Variants in PCDHGA6 observed in about 807,000 individuals in gnomAD.
PCDHGA6 encodes the protein protocadherin gamma subfamily A, 6, also known as protocadherin gamma-A6.
In PCDHGA6, 41 loss-of-function variants were observed where a neutral mutation model predicts 60.6. That is an observed-to-expected ratio of 0.68 (90% confidence interval 0.53 to 0.88). The LOEUF (loss-of-function observed/expected upper bound fraction) is 0.88. Ranked by LOEUF, PCDHGA6 falls within the 40% of genes least tolerant of loss-of-function variation. The probability of loss-of-function intolerance (pLI) is 0.00; values close to 1 mark genes in which losing one functional copy is unlikely to be tolerated. For missense variants in PCDHGA6, 1,312 were observed against 1,203.0 expected, an observed-to-expected ratio of 1.09 and a Z score of -1.34; for synonymous variants, 594 against 524.4, an observed-to-expected ratio of 1.13 and a Z score of -1.81.
intron 1 of PCDHGA6, chr5:141,423,330 C>G (rs932335651): frequency 9.9e-6 from 16 of 1,614,056 alleles, no homozygotes; most frequent in Middle Eastern, 1.6e-4. Flanking sequence ...TGGCCGCAGT[C>G]TCCTGCATCT....
At chr5:141,423,632 T>G in intron 1 of PCDHGA6, 1 of 1,602,602 alleles carries the variant, frequency 6.2e-7, no homozygotes, top group Non-Finnish European at 8.5e-7. Flanking sequence ...GCTATCATTT[T>G]AGGCAAATGT....
In PCDHGA6 at chr5:141,477,928, C is replaced by T; in HGVS notation, c.2425-16879C>T. On this transcript the variant is annotated intron_variant, in intron 1 of 3. Coordinates refer to ENST00000517434, the MANE Select transcript of PCDHGA6 (RefSeq NM_018919.3). This position sits in a 1 kb window ranked among gnomAD's most constrained non-coding sequence, Gnocchi z 4.9. ...GGGACGCGGATGCAGGGCACAATGC[C>T]TGGCTCTCCTACAGTCTCTTGGGAT... The T allele has an allele frequency of 6.2e-7, 1 of 1,614,186 alleles. No individual in the cohort carries two copies.
rs1561574117 is a variant in PCDHGA6, at chr5:141,376,472, T to C, written c.2389T>C (p.Leu797=). Residue 797 remains leucine, a synonymous_variant, in exon 1 of 4, where the codon TTA becomes CTA. Transcript: ENST00000517434. ...CGAGCCTCTTCTGATAACTCAGGAT[T>C]TACTTGAAACGAAAGGAGAACCCAG... ...KSEPLLITQD[L]LETKGEPRQL... 1 of 1,614,108 alleles carries C rather than the reference T, an allele frequency of 6.2e-7. No homozygotes were observed. Among genetic ancestry groups the C allele is most frequent in the Non-Finnish European group, 8.5e-7 (1 of 1,180,010 alleles).
chr5:141,391,882 A>C (rs2092435224), intron 1 of PCDHGA6: 1 of 152,226 alleles, frequency 6.6e-6, no homozygotes, highest in Middle Eastern at 3.2e-3. Flanking sequence ...CTTTGGTGAA[A>C]GGGATGGGAT....
At chr5:141,410,364 C>A in intron 1 of PCDHGA6, 1 of 1,614,064 alleles carries the variant, frequency 6.2e-7, no homozygotes, top group Non-Finnish European at 8.5e-7. Flanking sequence ...TCTCTCAGCC[C>A]TGCTACTTGG....
rs1046764113 is a variant in PCDHGA6, at chr5:141,495,395, G to A, written c.2483+530G>A. Among the ~76,000 whole-genome samples the A allele has an allele frequency of 4.1e-4, 62 of 152,326 alleles. 1 individual carries two copies. The highest frequency in any genetic ancestry group is 1.4e-3 in the African/African-American group (57 of 41,576). On this transcript the variant is annotated intron_variant, in intron 2 of 3. Transcript: ENST00000517434. Reference sequence around the variant, plus strand: ...GAGGAAGGACTGGGCGGGGCATGGAGCAGGCCCCCTTCTCCGGCCCCTCCT... The same window carrying A: ...GAGGAAGGACTGGGCGGGGCATGGAACAGGCCCCCTTCTCCGGCCCCTCCT...
At chr5:141,448,215 C>T (rs927573458) in intron 1 of PCDHGA6, among the ~76,000 whole-genome samples, 5 of 152,046 alleles carry the variant, frequency 3.3e-5, no homozygotes, top group African/African-American at 9.7e-5. Flanking sequence ...TGTGTGTATG[C>T]GAATGTATGT....
Position 141,486,632 on chromosome 5 carries a change from A to G in PCDHGA6, c.2425-8175A>G, listed in dbSNP as rs1304397413. The G allele has an allele frequency of 6.2e-7, 1 of 1,613,580 alleles. No individual in the cohort carries two copies. Among genetic ancestry groups the G allele is most frequent in the Non-Finnish European group, 8.5e-7 (1 of 1,180,040 alleles). ...AGCCTCTGACCCAGACTCTGGCTTG[A>G]ATGCGCTTATCTCCTACTCACTCCT... On this transcript the variant is annotated intron_variant, in intron 1 of 3. Coordinates refer to ENST00000517434, the MANE Select transcript of PCDHGA6 (RefSeq NM_018919.3). This position sits in a 1 kb window ranked among gnomAD's most constrained non-coding sequence, Gnocchi z 5.0.
intron 1 of PCDHGA6, chr5:141,471,515 T>C (rs931181988): frequency 2.6e-5 from 4 of 152,276 alleles, no homozygotes; most frequent in African/African-American, 9.6e-5. Context: ...GGAGTAAAAA[T>C]AACAGCGAGG....
In PCDHGA6 at chr5:141,489,365, G is replaced by A. The variant is rs774363104; in HGVS notation, c.2425-5442G>A. ...TCAGTGGTGGAGGAGTCTGAGCCGG[G>A]GACGCTGGTGGGGAATGTTGCTCAG... On this transcript the variant is annotated intron_variant, in intron 1 of 3. Transcript: ENST00000517434. The surrounding 1 kb of genome is among the most constrained non-coding windows in gnomAD (Gnocchi z 4.5). The A allele has an allele frequency of 6.2e-7, 1 of 1,613,512 alleles. No individual in the cohort carries two copies.
intron 1 of PCDHGA6, chr5:141,441,824 G>A (rs1561905347): frequency 5.6e-6 from 2 of 356,750 alleles, no homozygotes; most frequent in South Asian, 4.7e-5. Flanking sequence ...GCTCTGGAGC[G>A]CAATGGCTTC....
At chr5:141,448,710 G>T (rs897054829) in intron 1 of PCDHGA6, among the ~76,000 whole-genome samples, 1 of 152,162 alleles carries the variant, frequency 6.6e-6, no homozygotes, top group Non-Finnish European at 1.5e-5. Flanking sequence ...GGAGGCCGAG[G>T]CGGGAGGATC....
rs146919978 is a variant in PCDHGA6, at chr5:141,489,268, G to A, written c.2425-5539G>A. 1,443 of 1,553,166 alleles carry A rather than the reference G, an allele frequency of 9.3e-4. 2 individuals are homozygous for A. The highest frequency in any genetic ancestry group is 1.2e-3 in the Non-Finnish European group (1,381 of 1,149,786). On this transcript the variant is annotated intron_variant, in intron 1 of 3. Transcript: ENST00000517434. The surrounding 1 kb of genome is among the most constrained non-coding windows in gnomAD (Gnocchi z 4.5). ...GGGGCCCAAGACACTCCCACAGCTCGCTGGGAAATGGCAAGTGCTGTGCAT... is the reference window on the plus strand; with the variant it reads ...GGGGCCCAAGACACTCCCACAGCTCACTGGGAAATGGCAAGTGCTGTGCAT...
At chr5:141,398,667 A>G (rs750777887) in intron 1 of PCDHGA6, 1 of 1,614,006 alleles carries the variant, frequency 6.2e-7, no homozygotes, top group Admixed American at 1.7e-5. Flanking sequence ...GTTTCTCATT[A>G]ATAATTAAGG....
At chr5:141,443,728 C>T (rs1434984241) in intron 1 of PCDHGA6, among the ~76,000 whole-genome samples, 1 of 152,060 alleles carries the variant, frequency 6.6e-6, no homozygotes, top group Admixed American at 6.5e-5. Flanking sequence ...ATTCCTCATA[C>T]ATTTCCCTAT....
At chr5:141,430,285 T>C (rs1456678142) in intron 1 of PCDHGA6, among the ~76,000 whole-genome samples, 18 of 151,710 alleles carry the variant, frequency 1.2e-4, no homozygotes, top group Admixed American at 1.2e-3. Flanking sequence ...GGAACAGTAA[T>C]CTCAAAGCAG....
At chr5:141,416,287 T>A (rs2096012467) in intron 1 of PCDHGA6, 1 of 152,276 alleles carries the variant, frequency 6.6e-6, no homozygotes, top group Admixed American at 6.5e-5. Flanking sequence ...ATTCTCTAAT[T>A]TCACACTGCT....
At chr5:141,381,071 G>T (rs1343917347) in intron 1 of PCDHGA6, among the ~76,000 whole-genome samples, 1 of 152,172 alleles carries the variant, frequency 6.6e-6, no homozygotes, top group Non-Finnish European at 1.5e-5. Context: ...GATAACTATG[G>T]ATTATTTTGA....
chr5:141,436,207 A>T (rs544201723), intron 1 of PCDHGA6, among the ~76,000 whole-genome samples: 1 of 152,142 alleles, frequency 6.6e-6, no homozygotes, highest in Admixed American at 6.5e-5. Context: ...ACATAATAGG[A>T]AAACAAATGA....
Sources: allele counts gnomAD v4.1 joint callset (sites outside exome capture counted in the v4.1 genomes callset), GRCh38; gene constraint gnomAD v4.1.1; non-coding constraint Gnocchi (gnomAD v3.1); transcripts MANE v1.5; gene names NCBI Gene and HGNC (gene_info 2026-07-23, HGNC 2026-07-21).